Variants in TMEM62 observed in about 807,000 individuals in gnomAD.
TMEM62 encodes the protein transmembrane protein 62.
A neutral mutation model predicts 70.4 loss-of-function variants in TMEM62; 41 were observed. The ratio of observed to expected loss-of-function variants is 0.58; its 90% confidence interval spans 0.45 to 0.76. The LOEUF (loss-of-function observed/expected upper bound fraction) is 0.76. Ranked by LOEUF, TMEM62 falls within the 30% of genes least tolerant of loss-of-function variation. TMEM62 has a pLI of 0.00. For missense variants in TMEM62, 688 were observed against 788.5 expected, an observed-to-expected ratio of 0.87 and a Z score of 1.53; for synonymous variants, 268 against 291.0, an observed-to-expected ratio of 0.92 and a Z score of 0.80.
At chr15:43,159,989 G>C (rs2038493795) in intron 9 of TMEM62, among the ~76,000 whole-genome samples, 1 of 150,698 alleles carries the variant, frequency 6.6e-6, no homozygotes, top group Non-Finnish European at 1.5e-5. Context: ...TTGTTTTTTT[G>C]ACAGAGTCTC....
At chr15:43,134,717 A>G (rs2034962861) in intron 2 of TMEM62, among the ~76,000 whole-genome samples, 2 of 152,210 alleles carry the variant, frequency 1.3e-5, no homozygotes, top group Admixed American at 1.3e-4. Flanking sequence ...GTAACCACGA[A>G]TCAGAAGTTC....
chr15:43,144,583 C>G (rs1387309855), intron 4 of TMEM62, among the ~76,000 whole-genome samples: 1 of 152,180 alleles, frequency 6.6e-6, no homozygotes, highest in Non-Finnish European at 1.5e-5. Context: ...AAAAGTCATA[C>G]CCATCTGAAC....
chr15:43,167,331 G>T (rs2039603927), intron 10 of TMEM62, among the ~76,000 whole-genome samples: 1 of 151,778 alleles, frequency 6.6e-6, no homozygotes, highest in Admixed American at 6.6e-5. Flanking sequence ...CCCAGACGGG[G>T]TGGCTGCCGG....
intron 11 of TMEM62, among the ~76,000 whole-genome samples, chr15:43,170,479 A>T (rs1417902500): frequency 6.6e-6 from 1 of 152,242 alleles, no homozygotes; most frequent in Non-Finnish European, 1.5e-5. Context: ...TCACTCACTT[A>T]AACAGAGAGA....
At chr15:43,136,165 A>G in intron 3 of TMEM62, among the ~76,000 whole-genome samples, 1 of 152,172 alleles carries the variant, frequency 6.6e-6, no homozygotes, top group East Asian at 1.9e-4. Flanking sequence ...ATACTGTATG[A>G]TTTCATTTAT....
intron 9 of TMEM62, among the ~76,000 whole-genome samples, chr15:43,157,645 C>G (rs1425232471): frequency 6.6e-6 from 1 of 152,096 alleles, no homozygotes; most frequent in Non-Finnish European, 1.5e-5. Flanking sequence ...CATGATCAAT[C>G]TTGTTCCTTC....
At chr15:43,172,133 A>T (rs1461681847) in intron 11 of TMEM62, among the ~76,000 whole-genome samples, 1 of 152,228 alleles carries the variant, frequency 6.6e-6, no homozygotes, top group African/African-American at 2.4e-5. Flanking sequence ...TAAGAAACCA[A>T]GAACCAACTT....
rs764769520 is a variant in TMEM62 at position 43,184,259 on chromosome 15, G to A, written c.1606-1G>A. ...TAAGCTATGGTTCTGTTCTTTTCCA[G>A]CTGGCGTTTTTTAACATCCCCTTGA... On this transcript the variant is annotated splice_acceptor_variant, in intron 13 of 13. Transcript: ENST00000260403. LOFTEE classifies it high-confidence loss of function. 2.5e-6 allele frequency: 4 copies of A among 1,609,910 alleles called. No homozygotes were observed. In the South Asian group the frequency reaches 3.3e-5, roughly 13 times the overall value.
chr15:43,181,824 G>T (rs573709107), intron 13 of TMEM62, among the ~76,000 whole-genome samples: 2 of 152,318 alleles, frequency 1.3e-5, no homozygotes, highest in East Asian at 3.9e-4. Flanking sequence ...TTGTCATGAA[G>T]TGTTTATAAG....
At chr15:43,167,484 C>A (rs936465067) in intron 10 of TMEM62, among the ~76,000 whole-genome samples, 18 of 151,136 alleles carry the variant, frequency 1.2e-4, no homozygotes, top group African/African-American at 3.4e-4. Context: ...ACATCCCGGA[C>A]GGGGCGGCAG....
chr15:43,180,544 A>G (rs77730586), intron 12 of TMEM62: 1 of 152,194 alleles, frequency 6.6e-6, no homozygotes, highest in Non-Finnish European at 1.5e-5. Flanking sequence ...TAATAATAAT[A>G]CCTAGAAACT....
chr15:43,176,205 C>G (rs1416282254), intron 11 of TMEM62, among the ~76,000 whole-genome samples: 1 of 152,264 alleles, frequency 6.6e-6, no homozygotes, highest in Non-Finnish European at 1.5e-5. Context: ...TGGAGCCCAC[C>G]ACAGCTCAAG....
intron 10 of TMEM62, among the ~76,000 whole-genome samples, chr15:43,166,993 C>A (rs1008292768): frequency 3.5e-4 from 54 of 152,340 alleles, no homozygotes; most frequent in Admixed American, 2.0e-3. Context: ...ACCTTCCCCC[C>A]TTTCTATTCC....
chr15:43,134,129 T>C (rs2034826237), intron 1 of TMEM62, 128 bp from the exon 2 acceptor site: 2 of 1,444,660 alleles, frequency 1.4e-6, no homozygotes, highest in Admixed American at 4.1e-5. Context: ...GCCCTGTCCT[T>C]ACCTGGGGGG....
At chr15:43,147,178 G>A (rs1230657535) in intron 5 of TMEM62, among the ~76,000 whole-genome samples, 2 of 152,030 alleles carry the variant, frequency 1.3e-5, no homozygotes, top group African/African-American at 4.8e-5. Flanking sequence ...TGGCCAGGGT[G>A]GTCTCGAACT....
Position 43,154,782 on chromosome 15 carries a change from A to T in TMEM62, c.1133A>T (p.Asn378Ile). 1 of 1,614,004 alleles carries T rather than the reference A, an allele frequency of 6.2e-7. No individual in the cohort carries two copies. Among genetic ancestry groups the T allele is most frequent in the Non-Finnish European group, 8.5e-7 (1 of 1,179,926 alleles). ...GGTCCCATTTTCGTACTGAAGTGGA[A>T]TCCTAGAAACTACAGTAGTGGGACA... ...VSGPIFVLKW[N>I]PRNYSSGTHN... Residue 378 changes from asparagine (N) to isoleucine (I), a missense_variant, in exon 9 of 14, where the codon AAT becomes ATT. Asn to Ile is a moderately radical substitution (Grantham distance 149, BLOSUM62 -3). Transcript: ENST00000260403.
At chr15:43,166,323 T>C (rs1408690196) in intron 10 of TMEM62, among the ~76,000 whole-genome samples, 1 of 152,224 alleles carries the variant, frequency 6.6e-6, no homozygotes, top group Non-Finnish European at 1.5e-5. Context: ...TACTTCGTTT[T>C]AACAAGAACC....
chr15:43,181,439 A>C, intron 13 of TMEM62, 140 bp downstream of exon 13: 1 of 650,318 alleles, frequency 1.5e-6, no homozygotes, highest in South Asian at 1.9e-5. Flanking sequence ...GTCTTTAATA[A>C]AAGCTTCATT....
chr15:43,138,511 A>G, intron 3 of TMEM62, 63 bp from the exon 4 acceptor site: 1 of 1,319,724 alleles, frequency 7.6e-7, no homozygotes, highest in South Asian at 1.2e-5. Context: ...GTCATTAAAG[A>G]AAATGTTTGT....
Sources: allele counts gnomAD v4.1 joint callset (sites outside exome capture counted in the v4.1 genomes callset), GRCh38; gene constraint gnomAD v4.1.1; transcripts MANE v1.5; gene names NCBI Gene and HGNC (gene_info 2026-07-23, HGNC 2026-07-21).